The following AAK1 variants were observed in gnomAD, a reference collection of about 807,000 sequenced individuals.
AAK1 encodes AP2 associated kinase 1, also known as AP2-associated protein kinase 1.
In AAK1, 37 loss-of-function variants were observed where a neutral mutation model predicts 116.0. The observed-to-expected ratio is 0.32, with a 90% CI of 0.25 to 0.42. The LOEUF (loss-of-function observed/expected upper bound fraction) is 0.42. Ranked by LOEUF, AAK1 falls within the 10% of genes least tolerant of loss-of-function variation. The pLI is 1.00. For missense variants in AAK1, 919 were observed against 1,170.6 expected, an observed-to-expected ratio of 0.79 and a Z score of 3.14; for synonymous variants, 458 against 439.9, an observed-to-expected ratio of 1.04 and a Z score of -0.51.
At chr2:69,483,651 A>G (rs1675182055) in intron 17 of AAK1, among the ~76,000 whole-genome samples, 1 of 152,232 alleles carries the variant, frequency 6.6e-6, no homozygotes, top group South Asian at 2.1e-4. Context: ...TCACCAAGAT[A>G]ATCAATTCAA....
At position 69,466,574 on chromosome 2, in the gene AAK1, A is replaced by C; in HGVS notation, c.*9295T>G. On this transcript the variant is annotated 3_prime_UTR_variant, in exon 22 of 22. Coordinates refer to ENST00000409085, the MANE Select transcript of AAK1 (RefSeq NM_014911.5). ...GATCTAGAAAAGCATAAAATGCAGA[A>C]TTAATGTGTAGGTCAATTCAACTCT... 1.7e-6 allele frequency: 2 copies of C among 1,177,352 alleles called. No individual in the cohort carries two copies. The highest frequency in any genetic ancestry group is 2.1e-6 in the Non-Finnish European group (2 of 933,738). 72.9% of individuals were successfully genotyped at this position (1,177,352 alleles called of 1,614,324 possible).
intron 14 of AAK1, among the ~76,000 whole-genome samples, chr2:69,508,634 A>G (rs1676278789): frequency 5.3e-5 from 8 of 152,230 alleles, no homozygotes. Flanking sequence ...TATAAGCTCA[A>G]AAAAATGTTC....
At chr2:69,556,100 T>C (rs146769259) in intron 3 of AAK1, among the ~76,000 whole-genome samples, 9 of 152,352 alleles carry the variant, frequency 5.9e-5, no homozygotes, top group Admixed American at 2.6e-4. Flanking sequence ...GTTTTAAGAA[T>C]TGAAGTCTAA....
At chr2:69,571,359 CCAGAGAGACAGA>C in intron 2 of AAK1, among the ~76,000 whole-genome samples, 1 of 152,226 alleles carries the variant, frequency 6.6e-6, no homozygotes, top group East Asian at 1.9e-4. Context: ...CATGTGTGTT[CCAGAGAGACAGA>C]CAGAGAGGCA....
chr2:69,548,528 TTC>T (rs886580898), intron 3 of AAK1, among the ~76,000 whole-genome samples: 6 of 151,238 alleles, frequency 4.0e-5, no homozygotes, highest in Non-Finnish European at 5.9e-5. Context: ...CCTTCCTTCT[TTC>T]TCTCTCTCTT....
chr2:69,497,969 C>A (rs1384805607), intron 16 of AAK1, among the ~76,000 whole-genome samples: 1 of 152,132 alleles, frequency 6.6e-6, no homozygotes, highest in African/African-American at 2.4e-5. Context: ...GTCACCCATA[C>A]CTCTGGCTCT....
Position 69,471,309 on chromosome 2 carries a change from G to T in AAK1, c.*4560C>A. On this transcript the variant is annotated 3_prime_UTR_variant, in exon 22 of 22. Coordinates refer to ENST00000409085, the MANE Select transcript of AAK1 (RefSeq NM_014911.5). ...CCCGTATTAGTGAAAGGAAATCTGG[G>T]AGAAGCAAAAGAGGTTTCTTGTTAT... 1 of 985,440 alleles carries T rather than the reference G, an allele frequency of 1.0e-6. No homozygotes were observed. The highest frequency in any genetic ancestry group is 1.2e-6 in the Non-Finnish European group (1 of 829,938). The allele number at this position is 985,440 out of a possible 1,614,324, so 61.0% of individuals were successfully genotyped here.
intron 9 of AAK1, 45 bp downstream of exon 9, chr2:69,527,171 C>T: frequency 7.0e-7 from 1 of 1,419,350 alleles, no homozygotes; most frequent in Non-Finnish European, 9.8e-7. Flanking sequence ...CTCAAAATGG[C>T]AATTTGATAA....
intron 2 of AAK1, chr2:69,595,048 A>T (rs1486960262): frequency 2.7e-6 from 2 of 735,998 alleles, no homozygotes; most frequent in Admixed American, 3.4e-5. Context: ...GGTTTTAGGA[A>T]CGTTCACCAT....
At chr2:69,498,528 C>T (rs917231355) in intron 16 of AAK1, among the ~76,000 whole-genome samples, 7 of 152,320 alleles carry the variant, frequency 4.6e-5, no homozygotes, top group South Asian at 2.1e-4. Context: ...CCCCTGCCCC[C>T]GAGAGCCCAG....
chr2:69,532,244 A>G (rs947019586), intron 5 of AAK1, 82 bp from the exon 6 acceptor site: 2 of 1,538,696 alleles, frequency 1.3e-6, no homozygotes, highest in Non-Finnish European at 8.9e-7. Flanking sequence ...TCACATAAAT[A>G]AACGTTTTAT....
Position 69,466,433 on chromosome 2 carries a change from A to G in AAK1, c.*9436T>C, listed in dbSNP as rs1348956609. The G allele has an allele frequency of 3.9e-6, 5 of 1,289,568 alleles. No individual in the cohort carries two copies. Among genetic ancestry groups the G allele is most frequent in the Non-Finnish European group, 5.1e-6 (5 of 988,852 alleles). 79.9% of individuals were successfully genotyped at this position (1,289,568 alleles called of 1,614,324 possible). A position where few individuals can be genotyped will look rare whatever the true frequency, so the allele number is the denominator to read the frequency against. On this transcript the variant is annotated 3_prime_UTR_variant, in exon 22 of 22. Transcript: ENST00000409085. ...AGTAGTCAGATTCTAAGTTGTTCTG[A>G]GTCTTTGTGCCAGGTACTCTGGAGG...
In AAK1 at chr2:69,507,510, C is replaced by T; in HGVS notation, c.2075G>A (p.Gly692Glu). ...SQQNVYNPSE[G>E]STWNPFDDDN... ...GTCATCAAAGGGATTCCACGTAGAC[C>T]CTTCTGAAGGATTATAAACGTTTTG... The change falls in exon 15 of 22, where the codon GGG (glycine) becomes GAG (glutamate). Residue 692 changes from glycine to glutamate, a missense_variant. Gly to Glu is a moderately conservative substitution (Grantham distance 98). Coordinates refer to ENST00000409085, the MANE Select transcript of AAK1 (RefSeq NM_014911.5). The T allele has an allele frequency of 9.3e-6, 15 of 1,612,552 alleles. No individual in the cohort carries two copies. Among genetic ancestry groups the T allele is most frequent in the Non-Finnish European group, 1.3e-5 (15 of 1,179,326 alleles).
chr2:69,571,402 A>ACTT (rs2105119611), intron 2 of AAK1, among the ~76,000 whole-genome samples: 1 of 152,300 alleles, frequency 6.6e-6, no homozygotes, highest in Non-Finnish European at 1.5e-5. Flanking sequence ...AGACCTGGTA[A>ACTT]CTTCCAACAC....
chr2:69,617,064 G>A (rs1364914080), intron 2 of AAK1, among the ~76,000 whole-genome samples: 1 of 152,052 alleles, frequency 6.6e-6, no homozygotes, highest in Non-Finnish European at 1.5e-5. Context: ...TGTCCTTAAG[G>A]TATAGGTCAA....
At chr2:69,552,055 G>A (rs1671203378) in intron 3 of AAK1, among the ~76,000 whole-genome samples, 1 of 152,160 alleles carries the variant, frequency 6.6e-6, no homozygotes, top group Non-Finnish European at 1.5e-5. Flanking sequence ...ACTGAGAGAG[G>A]TAGGGCTGGG....
intron 2 of AAK1, among the ~76,000 whole-genome samples, chr2:69,640,081 C>CTCTCTCTCTCTCTCT (rs542823509): frequency 8.2e-6 from 1 of 121,768 alleles, no homozygotes; most frequent in African/African-American, 3.1e-5. Context: ...TCTCTCTCTC[C>CTCTCTCTCTCTCTCT]CCCCCCACAT....
intron 2 of AAK1, among the ~76,000 whole-genome samples, chr2:69,574,746 G>A (rs374135306): frequency 8.1e-4 from 124 of 152,196 alleles, no homozygotes; most frequent in African/African-American, 2.9e-3. Flanking sequence ...TGAGGCGAGA[G>A]GATTTCCTGA....
At chr2:69,516,580 T>TGAGGGCAGCATGATCCTA (rs1490674947) in intron 12 of AAK1, among the ~76,000 whole-genome samples, 1 of 152,082 alleles carries the variant, frequency 6.6e-6, no homozygotes. Context: ...GATTTCAAGT[T>TGAGGGCAGCATGATCCTA]GAGGGCAGCA....
Sources: allele counts gnomAD v4.1 joint callset (sites outside exome capture counted in the v4.1 genomes callset), GRCh38; gene constraint gnomAD v4.1.1; transcripts MANE v1.5; gene names NCBI Gene and HGNC (gene_info 2026-07-23, HGNC 2026-07-21).